LRRC74B: variants seen among roughly 807,000 people sequenced by gnomAD.
The protein encoded by LRRC74B is leucine rich repeat containing 74B.
Under a neutral mutation model 16.6 loss-of-function variants are expected in LRRC74B, and 30 were observed. That is an observed-to-expected ratio of 1.80 (90% CI 1.35 to 2.45). The LOEUF (loss-of-function observed/expected upper bound fraction) is 2.45, where lower values mean the gene tolerates loss of function less well. Ranked by LOEUF, LRRC74B falls within the 30% of genes most tolerant of loss-of-function variation. LRRC74B has a pLI of 0.00. For missense variants in LRRC74B, 326 were observed against 202.4 expected, an observed-to-expected ratio of 1.61 and a Z score of -3.71; for synonymous variants, 134 against 86.0, an observed-to-expected ratio of 1.56 and a Z score of -3.09.
At chr22:21,058,194 C>T (rs1447294367) in intron 8 of LRRC74B, among the ~76,000 whole-genome samples, 2 of 151,854 alleles carry the variant, frequency 1.3e-5, no homozygotes, top group Non-Finnish European at 2.9e-5. Context: ...TCCATTGCGC[C>T]TGGCGAATTT....
chr22:21,047,705 C>A (rs1187708728), intron 2 of LRRC74B, among the ~76,000 whole-genome samples, 179 bp from the exon 3 acceptor site: 2 of 152,028 alleles, frequency 1.3e-5, no homozygotes, highest in African/African-American at 4.8e-5. Context: ...TCCTAACCCG[C>A]TGGGGGGTCA....
chr22:21,056,975 C>T (rs1275327598), intron 7 of LRRC74B, 130 bp from the exon 8 acceptor site: 11 of 620,920 alleles, frequency 1.8e-5, no homozygotes, highest in Middle Eastern at 4.3e-4. Context: ...GATGGAGACA[C>T]CTTCTGAGCC....
chr22:21,048,126 G>A (rs1156502954), intron 3 of LRRC74B, 110 bp downstream of exon 3: 2 of 688,840 alleles, frequency 2.9e-6, no homozygotes, highest in South Asian at 3.1e-5. Flanking sequence ...TGGTGTTGCT[G>A]GTGGATAGAA....
chr22:21,060,567 T>C (rs4051934), downstream of LRRC74B: 27 of 688,084 alleles, frequency 3.9e-5, no homozygotes, highest in East Asian at 2.7e-4. Flanking sequence ...TCAGCTGCTT[T>C]GACCTCCAGG....
intron 1 of LRRC74B, among the ~76,000 whole-genome samples, chr22:21,046,985 C>T (rs1290298010): frequency 2.7e-5 from 4 of 150,438 alleles, no homozygotes; most frequent in African/African-American, 2.4e-5. Context: ...CCCAGCTACT[C>T]GGGAGGCTGA....
chr22:21,048,202 C>T lies in LRRC74B; in HGVS notation c.415+186C>T, dbSNP rs1929655184. 1.5e-5 allele frequency: 9 copies of T among 591,782 alleles called. No homozygotes were observed. The East Asian group carries it at 2.6e-4, about 17-fold the overall frequency. The allele number at this position is 591,782 out of a possible 1,614,324, so 36.7% of individuals were successfully genotyped here. A position where few individuals can be genotyped will look rare whatever the true frequency, so the allele number is the denominator to read the frequency against. ...AGACCCTCTGCTGTGCAGCCGATGC[C>T]TGATAGAAGTCCTTTCCTCACCCAC... On this transcript the variant is annotated intron_variant, in intron 3 of 8. Coordinates refer to ENST00000442047, the Ensembl canonical transcript of LRRC74B.
intron 8 of LRRC74B, 100 bp downstream of exon 8, chr22:21,057,300 C>T (rs981621634): frequency 3.0e-6 from 2 of 664,656 alleles, no homozygotes; most frequent in African/African-American, 1.8e-5. Context: ...AATCAAGAGC[C>T]CTGCCCAGTT....
intron 7 of LRRC74B, among the ~76,000 whole-genome samples, chr22:21,055,960 C>T (rs2148160512): frequency 6.6e-6 from 1 of 152,282 alleles, no homozygotes; most frequent in East Asian, 1.9e-4. Context: ...CTTCCTTCTT[C>T]CCAAGTCACC....
chr22:21,048,801 C>A, intron 3 of LRRC74B, 150 bp from the exon 4 acceptor site: 1 of 607,888 alleles, frequency 1.6e-6, no homozygotes, highest in Non-Finnish European at 3.0e-6. Context: ...GGGACCCAGC[C>A]ATTGGGAGCC....
chr22:21,047,371 G>A, exon 2 of LRRC74B: 1 of 717,380 alleles, frequency 1.4e-6, no homozygotes, highest in Non-Finnish European at 2.6e-6. Context: ...GATGGGCTTG[G>A]AGAACTGGTC....
chr22:21,050,174 T>C (rs1929889955), intron 4 of LRRC74B, among the ~76,000 whole-genome samples: 1 of 152,038 alleles, frequency 6.6e-6, no homozygotes, highest in Non-Finnish European at 1.5e-5. Context: ...GTAGCTGGGA[T>C]TACAGGTGCG....
At chr22:21,045,951 C>G, upstream of LRRC74B, 1 of 713,502 alleles carries the variant, frequency 1.4e-6, no homozygotes, top group Non-Finnish European at 2.6e-6. Context: ...AAGCTGTCTC[C>G]GACTCAGTGT....
At chr22:21,058,076 T>G (rs1447325079) in intron 8 of LRRC74B, among the ~76,000 whole-genome samples, 1 of 151,450 alleles carries the variant, frequency 6.6e-6, no homozygotes, top group Non-Finnish European at 1.5e-5. Flanking sequence ...TTTGGTATTT[T>G]TTTTAGTAGA....
intron 5 of LRRC74B, 25 bp downstream of exon 5, chr22:21,052,383 C>G (rs1028389344): frequency 2.4e-5 from 17 of 716,884 alleles, no homozygotes; most frequent in Non-Finnish European, 4.2e-5. Context: ...CCTAGTCGGC[C>G]CTACAGCCTG....
chr22:21,063,520 T>A (rs796369593), downstream of LRRC74B: 11 of 144,648 alleles, frequency 7.6e-5, no homozygotes, highest in African/African-American at 2.6e-4. Context: ...CTGGGCAACA[T>A]CAGGAGATCC....
At chr22:21,049,495 A>C (rs387346) in intron 4 of LRRC74B, 74 of 242,858 alleles carry the variant, frequency 3.0e-4, no homozygotes, top group African/African-American at 9.0e-4. Flanking sequence ...ATAGTTTATG[A>C]TTCTAGAGAA....
At chr22:21,048,740 C>T in intron 3 of LRRC74B, 1 of 583,200 alleles carries the variant, frequency 1.7e-6, no homozygotes, top group Non-Finnish European at 3.1e-6. Flanking sequence ...GTTTTAACCA[C>T]TTGACACAGA....
At chr22:21,057,312 C>T (rs1242942707) in intron 8 of LRRC74B, 112 bp downstream of exon 8, 17 of 632,106 alleles carry the variant, frequency 2.7e-5, no homozygotes, top group Non-Finnish European at 4.8e-5. Context: ...TGCCCAGTTA[C>T]ACAGCGTGGC....
intron 4 of LRRC74B, among the ~76,000 whole-genome samples, chr22:21,051,839 C>G (rs1486353425): frequency 6.6e-6 from 1 of 152,196 alleles, no homozygotes; most frequent in African/African-American, 2.4e-5. Context: ...TTTGCAGTTT[C>G]CTGTGTCTCC....
Sources: gnomAD v4.1 joint callset for allele counts (sites outside exome capture counted in the v4.1 genomes callset) on GRCh38, gnomAD v4.1.1 for gene constraint, MANE v1.5 for transcripts, NCBI Gene and HGNC (gene_info 2026-07-23, HGNC 2026-07-21) for gene names.